Variants in PTPRT observed in about 807,000 individuals in gnomAD.
PTPRT encodes the protein receptor-type tyrosine-protein phosphatase T.
A neutral mutation model predicts 176.8 loss-of-function variants in PTPRT; 56 were observed. The ratio of observed to expected loss-of-function variants is 0.32; its 90% CI spans 0.26 to 0.40. The LOEUF (loss-of-function observed/expected upper bound fraction) is 0.40, where lower values mean the gene tolerates loss of function less well. Ranked by LOEUF, PTPRT falls within the 10% of genes least tolerant of loss-of-function variation. PTPRT has a pLI of 1.00. For synonymous variants in PTPRT, 783 were observed against 739.0 expected (o/e 1.06, Z -0.96); for missense variants, 1,540 against 1,908.2 (o/e 0.81, Z 3.60).
intron 2 of PTPRT, among the ~76,000 whole-genome samples, chr20:42,832,915 G>C (rs2078116533): frequency 6.6e-6 from 1 of 151,442 alleles, no homozygotes; most frequent in Admixed American, 6.6e-5. Flanking sequence ...ATCAGCCTGG[G>C]CAATAAAAAA....
rs189207314 is a variant in PTPRT at position 42,391,446 on chromosome 20, C to T, written c.1561-39161G>A. On this transcript the variant is annotated intron_variant, in intron 9 of 30. Transcript: ENST00000373187. ...GCAGCCTCAGGAACTGGAGCCATAG[C>T]CAATGTCCTGGCGGCCAAACTTAGT... Among the ~76,000 whole-genome samples, 123 of 152,250 alleles carry T rather than the reference C, an allele frequency of 8.1e-4. 5 individuals carry two copies. The highest frequency in any genetic ancestry group is 6.9e-3 in the Admixed American group (105 of 15,286).
intron 12 of PTPRT, among the ~76,000 whole-genome samples, chr20:42,314,848 A>C (rs2057692448): frequency 6.6e-6 from 1 of 152,128 alleles, no homozygotes; most frequent in Admixed American, 6.5e-5. Flanking sequence ...GACACAGCCC[A>C]CTCCCTACTC....
intron 22 of PTPRT, 106 bp downstream of exon 22, chr20:42,115,093 T>C (rs1987200858): frequency 2.5e-6 from 2 of 794,380 alleles, no homozygotes; most frequent in Non-Finnish European, 4.3e-6. Flanking sequence ...TGGTGCCAAG[T>C]ATGGGGCTGG....
intron 1 of PTPRT, among the ~76,000 whole-genome samples, chr20:42,937,319 C>G (rs893667831): frequency 6.6e-6 from 1 of 152,146 alleles, no homozygotes; most frequent in African/African-American, 2.4e-5. Context: ...CTCTCAAGCT[C>G]CTTGGCAGTA....
chr20:42,107,723 G>A (rs914346920), intron 23 of PTPRT, among the ~76,000 whole-genome samples: 1 of 152,204 alleles, frequency 6.6e-6, no homozygotes, highest in African/African-American at 2.4e-5. Flanking sequence ...CTTCCGCTGC[G>A]TTTTCACATC....
intron 1 of PTPRT, among the ~76,000 whole-genome samples, chr20:43,132,111 C>T (rs546265748): frequency 6.6e-6 from 1 of 152,006 alleles, no homozygotes; most frequent in East Asian, 1.9e-4. Context: ...AGGAAAAAAG[C>T]AAGAATGCCC....
At chr20:42,574,505 G>T (rs2073221530) in intron 7 of PTPRT, among the ~76,000 whole-genome samples, 1 of 152,142 alleles carries the variant, frequency 6.6e-6, no homozygotes, top group Non-Finnish European at 1.5e-5. Flanking sequence ...TTGTTTCCTG[G>T]CCTCCAAAAG....
intron 7 of PTPRT, among the ~76,000 whole-genome samples, chr20:42,506,918 C>A (rs1000669925): frequency 6.6e-6 from 1 of 152,054 alleles, no homozygotes; most frequent in Admixed American, 6.6e-5. Context: ...AGGAAAATGT[C>A]CTCCTGGATC....
At chr20:42,698,479 C>T (rs2075919429) in intron 6 of PTPRT, among the ~76,000 whole-genome samples, 1 of 152,122 alleles carries the variant, frequency 6.6e-6, no homozygotes, top group African/African-American at 2.4e-5. Flanking sequence ...ACTAAAAGTC[C>T]TTTGTATTAA....
intron 1 of PTPRT, among the ~76,000 whole-genome samples, chr20:43,088,933 G>C (rs1271117722): frequency 1.3e-5 from 2 of 152,110 alleles, no homozygotes; most frequent in Non-Finnish European, 2.9e-5. Flanking sequence ...GCTCGGCAAG[G>C]AGAGGGGAGC....
intron 13 of PTPRT, among the ~76,000 whole-genome samples, chr20:42,259,374 G>A (rs548820502): frequency 2.0e-5 from 3 of 152,150 alleles, no homozygotes; most frequent in Non-Finnish European, 2.9e-5. Flanking sequence ...GAGCAGTCAT[G>A]CCCAACTGAT....
intron 12 of PTPRT, among the ~76,000 whole-genome samples, chr20:42,312,593 T>C (rs913631011): frequency 3.3e-5 from 5 of 152,202 alleles, no homozygotes; most frequent in Admixed American, 1.3e-4. Context: ...TGTCTGTTCC[T>C]GTGAGGTCAA....
intron 7 of PTPRT, among the ~76,000 whole-genome samples, chr20:42,592,034 C>T (rs2073586403): frequency 1.5e-5 from 2 of 135,768 alleles, no homozygotes; most frequent in Admixed American, 1.6e-4. Context: ...GGCTGGAGTG[C>T]AGTGGCACGA....
intron 24 of PTPRT, 34 bp from the exon 25 acceptor site, chr20:42,104,752 G>C (rs368834065): frequency 6.5e-7 from 1 of 1,529,638 alleles, no homozygotes; most frequent in African/African-American, 1.4e-5. Context: ...TGGGGTGCCA[G>C]GTAAGAACAG....
At chr20:42,306,881 T>C (rs1254618250) in intron 12 of PTPRT, among the ~76,000 whole-genome samples, 1 of 152,188 alleles carries the variant, frequency 6.6e-6, no homozygotes, top group Non-Finnish European at 1.5e-5. Context: ...CAGGAGCCTC[T>C]AGGTGTTCGT....
intron 1 of PTPRT, among the ~76,000 whole-genome samples, chr20:43,141,758 C>T (rs77756967): frequency 0.038 from 5,734 of 152,228 alleles, 169 homozygotes; most frequent in Non-Finnish European, 0.054. Context: ...TATAAGACTT[C>T]GCAATAAATA....
rs6102700 is a variant in PTPRT at position 42,161,138 on chromosome 20, A to G, written c.2682+214T>C. On this transcript the variant is annotated intron_variant, in intron 17 of 30. Coordinates refer to ENST00000373187, the MANE Select transcript of PTPRT (RefSeq NM_007050.6). ...AGAATTATTTAGCATGGTGCTTCTCAAATTTAATGTGTATACAAATCACCT... is the reference window on the plus strand; with the variant it reads ...AGAATTATTTAGCATGGTGCTTCTCGAATTTAATGTGTATACAAATCACCT... Among the ~76,000 whole-genome samples the G allele has an allele frequency of 8.9e-3, 1,361 of 152,310 alleles. 21 individuals carry two copies. Among genetic ancestry groups the G allele is most frequent in the African/African-American group, 0.031 (1,269 of 41,558 alleles).
rs141188886 is a variant in PTPRT, at chr20:42,589,872, T to C, written c.1153+87994A>G. Among the ~76,000 whole-genome samples, 422 of 152,316 alleles carry C rather than the reference T, an allele frequency of 2.8e-3. 6 individuals are homozygous for C. Among genetic ancestry groups the C allele is most frequent in the African/African-American group, 9.7e-3 (402 of 41,572 alleles). ...ACATATTGAGCACTGTGGCAGATTATATTTTCCAAAGATGGTCATGACCAC... is the reference window on the plus strand; with the variant it reads ...ACATATTGAGCACTGTGGCAGATTACATTTTCCAAAGATGGTCATGACCAC... On this transcript the variant is annotated intron_variant, in intron 7 of 30. Coordinates refer to ENST00000373187, the MANE Select transcript of PTPRT (RefSeq NM_007050.6).
At chr20:42,459,856 A>AGTGTGTGTGTGTGTG (rs2070988586) in intron 8 of PTPRT, among the ~76,000 whole-genome samples, 1 of 152,090 alleles carries the variant, frequency 6.6e-6, no homozygotes, top group Non-Finnish European at 1.5e-5. Context: ...ACACCCAGCA[A>AGTGTGTGTGTGTGTG]TTCACCTGCC....
Sources: gnomAD v4.1 joint callset for allele counts (sites outside exome capture counted in the v4.1 genomes callset) on GRCh38, gnomAD v4.1.1 for gene constraint, MANE v1.5 for transcripts, NCBI Gene and HGNC (gene_info 2026-07-23, HGNC 2026-07-21) for gene names.